Variants in MYO6 observed in about 807,000 individuals in gnomAD.
MYO6 encodes the protein unconventional myosin-VI.
MYO6 carries 74 observed loss-of-function variants against 178.7 expected under a neutral mutation model. That is an observed-to-expected ratio of 0.41 (90% CI 0.34 to 0.50). MYO6 has a LOEUF of 0.50. Among genes scored for constraint, MYO6 ranks in the 20% least tolerant of loss-of-function variants. The probability of loss-of-function intolerance (pLI) is 0.09; values close to 1 mark genes in which losing one functional copy is unlikely to be tolerated. For synonymous variants in MYO6, 477 were observed against 504.6 expected (o/e 0.95, Z 0.73); for missense variants, 1,330 against 1,547.4 (o/e 0.86, Z 2.36).
At chr6:75,819,318 CT>C (rs1432822437) in intron 2 of MYO6, among the ~76,000 whole-genome samples, 1 of 152,182 alleles carries the variant, frequency 6.6e-6, no homozygotes, top group Non-Finnish European at 1.5e-5. Flanking sequence ...AATAAACATA[CT>C]GCTGTAATAA....
intron 30 of MYO6, among the ~76,000 whole-genome samples, chr6:75,905,343 A>G (rs1022524256): frequency 3.3e-5 from 5 of 152,080 alleles, no homozygotes; most frequent in African/African-American, 9.7e-5. Context: ...TTGCAGTTTG[A>G]TCTCAGACTG....
chr6:75,847,812 T>A (rs1038927300), intron 10 of MYO6, among the ~76,000 whole-genome samples: 16 of 152,076 alleles, frequency 1.1e-4, no homozygotes, highest in African/African-American at 3.9e-4. Context: ...ATACTGATTG[T>A]CACATTTAAA....
At chr6:75,839,205 T>A (rs1248076124) in intron 7 of MYO6, among the ~76,000 whole-genome samples, 1 of 152,054 alleles carries the variant, frequency 6.6e-6, no homozygotes, top group East Asian at 1.9e-4. Context: ...TTATTTATTT[T>A]TTTGAGATGG....
At chr6:75,789,239 A>G (rs1204213901) in intron 1 of MYO6, among the ~76,000 whole-genome samples, 1 of 152,352 alleles carries the variant, frequency 6.6e-6, no homozygotes, top group East Asian at 1.9e-4. Context: ...CTGCTAAGAA[A>G]GAAAAAAGTC....
At chr6:75,798,942 G>C (rs1182078366) in intron 1 of MYO6, among the ~76,000 whole-genome samples, 2 of 152,190 alleles carry the variant, frequency 1.3e-5, no homozygotes, top group Non-Finnish European at 2.9e-5. Context: ...AAAATAAGTA[G>C]TATTTCTAAA....
rs376563969 is a variant in MYO6, at chr6:75,863,092, A to T, written c.1674+369A>T. ...CCAAAAGAGCAAGATCCTGTGTCAA[A>T]AAAATAAAAGTACAATGAGAATTAC... is the stretch of plus-strand genomic sequence containing the variant. On this transcript the variant is annotated intron_variant, in intron 16 of 34. Transcript: ENST00000369977. Among the ~76,000 whole-genome samples, 898 of 152,312 alleles carry T rather than the reference A, an allele frequency of 5.9e-3. 5 individuals are homozygous for T. Among genetic ancestry groups the T allele is most frequent in the South Asian group, 0.017 (82 of 4,826 alleles).
At chr6:75,827,283 G>C (rs1353245277) in intron 3 of MYO6, among the ~76,000 whole-genome samples, 2 of 152,166 alleles carry the variant, frequency 1.3e-5, no homozygotes, top group Non-Finnish European at 2.9e-5. Flanking sequence ...CCTTTGTACT[G>C]ACCTTAAAGA....
intron 1 of MYO6, among the ~76,000 whole-genome samples, chr6:75,776,542 GCCA>G (rs1000273120): frequency 1.4e-4 from 21 of 152,132 alleles, no homozygotes; most frequent in African/African-American, 4.8e-4. Context: ...ATTCCCCTAG[GCCA>G]CCACCTGGTT....
chr6:75,831,045 A>T (rs964036124), intron 5 of MYO6, among the ~76,000 whole-genome samples: 1 of 152,178 alleles, frequency 6.6e-6, no homozygotes, highest in Admixed American at 6.5e-5. Flanking sequence ...AAAGTAGTAT[A>T]TGCTTCATAC....
At chr6:75,795,776 C>T (rs1348072889) in intron 1 of MYO6, among the ~76,000 whole-genome samples, 2 of 152,164 alleles carry the variant, frequency 1.3e-5, no homozygotes. Context: ...TTTAATTTTA[C>T]TAATCCGGCA....
chr6:75,838,054 C>CTT (rs35550064), intron 7 of MYO6, among the ~76,000 whole-genome samples: 4 of 136,220 alleles, frequency 2.9e-5, no homozygotes, highest in Admixed American at 1.5e-4. Flanking sequence ...TCTATAGCTT[C>CTT]TTTTTTTTTT....
chr6:75,818,354 C>T (rs544057929), intron 2 of MYO6, among the ~76,000 whole-genome samples: 1 of 152,258 alleles, frequency 6.6e-6, no homozygotes, highest in South Asian at 2.1e-4. Context: ...TGTGGAACTT[C>T]ACTCCATTCT....
chr6:75,853,278 C>T (rs779154341), intron 11 of MYO6, among the ~76,000 whole-genome samples: 29 of 152,118 alleles, frequency 1.9e-4, no homozygotes, highest in Non-Finnish European at 2.9e-4. Flanking sequence ...TTCTCCCATT[C>T]TGTATGTTAT....
chr6:75,763,985 A>G (rs1037044982), intron 1 of MYO6, among the ~76,000 whole-genome samples: 1 of 152,202 alleles, frequency 6.6e-6, no homozygotes, highest in Admixed American at 6.5e-5. Context: ...ACTACTCTGT[A>G]ACTAATTAAT....
chr6:75,845,588 G>C (rs1774654347), intron 10 of MYO6, among the ~76,000 whole-genome samples: 1 of 152,036 alleles, frequency 6.6e-6, no homozygotes. Context: ...TAGCTACTTG[G>C]GAGGCTAAAG....
chr6:75,901,803 G>A (rs1057059394), intron 30 of MYO6, among the ~76,000 whole-genome samples: 167 of 152,222 alleles, frequency 1.1e-3, no homozygotes, highest in African/African-American at 3.8e-3. Context: ...GTCTTGTGCC[G>A]GTTTTCACAG....
chr6:75,773,879 A>G (rs929199548), intron 1 of MYO6, among the ~76,000 whole-genome samples: 2 of 152,368 alleles, frequency 1.3e-5, no homozygotes, highest in Middle Eastern at 3.4e-3. Flanking sequence ...GAAAATCCAC[A>G]AAACCAAAAT....
intron 9 of MYO6, among the ~76,000 whole-genome samples, chr6:75,842,087 T>A (rs1774287982): frequency 6.6e-6 from 1 of 152,154 alleles, no homozygotes; most frequent in African/African-American, 2.4e-5. Flanking sequence ...ACAACAAATA[T>A]TTATTGCTTG....
chr6:75,879,984 T>C, intron 21 of MYO6, 34 bp downstream of exon 21: 1 of 1,613,818 alleles, frequency 6.2e-7, no homozygotes, highest in Non-Finnish European at 8.5e-7. Context: ...ATTTCTTAGC[T>C]ATGAACTTGT....
Sources: allele counts gnomAD v4.1 joint callset (sites outside exome capture counted in the v4.1 genomes callset), GRCh38; gene constraint gnomAD v4.1.1; transcripts MANE v1.5; gene names NCBI Gene and HGNC (gene_info 2026-07-23, HGNC 2026-07-21).